The following NR2C2 variants were observed in gnomAD, a reference collection of about 807,000 sequenced individuals.
NR2C2 encodes the protein nuclear receptor subfamily 2 group C member 2.
Under a neutral mutation model 62.9 loss-of-function variants are expected in NR2C2, and 6 were observed. That is an observed-to-expected ratio of 0.10 (90% CI 0.05 to 0.19). The LOEUF (loss-of-function observed/expected upper bound fraction) is 0.19, where lower values mean the gene tolerates loss of function less well. Ranked by LOEUF, NR2C2 falls within the 10% of genes least tolerant of loss-of-function variation. The pLI is 1.00. For missense variants in NR2C2, 479 were observed against 762.7 expected (o/e 0.63, Z 4.38); for synonymous variants, 272 against 273.8 (o/e 0.99, Z 0.07).
At chr3:15,017,334 CAG>C (rs1247225385) in intron 4 of NR2C2, among the ~76,000 whole-genome samples, 1 of 152,194 alleles carries the variant, frequency 6.6e-6, no homozygotes, top group East Asian at 1.9e-4. Context: ...GGCAGATAGA[CAG>C]TGCTGCTTGT....
chr3:15,024,953 A>C (rs2041780733), intron 7 of NR2C2, among the ~76,000 whole-genome samples: 2 of 152,216 alleles, frequency 1.3e-5, no homozygotes, highest in African/African-American at 4.8e-5. Flanking sequence ...AGGGCATTAC[A>C]GGGCATCCTC....
intron 1 of NR2C2, among the ~76,000 whole-genome samples, chr3:15,000,196 T>C (rs1326827303): frequency 6.6e-6 from 1 of 152,196 alleles, no homozygotes; most frequent in Non-Finnish European, 1.5e-5. Flanking sequence ...CAGCCTCTGT[T>C]AACTACCATT....
chr3:14,989,063 T>C (rs2040591626), intron 1 of NR2C2, among the ~76,000 whole-genome samples: 1 of 152,180 alleles, frequency 6.6e-6, no homozygotes. Context: ...TCATATCAGT[T>C]GTTGAGGTAT....
intron 2 of NR2C2, among the ~76,000 whole-genome samples, chr3:15,010,146 G>A (rs2041308239): frequency 6.6e-6 from 1 of 152,128 alleles, no homozygotes; most frequent in Non-Finnish European, 1.5e-5. Flanking sequence ...AAATTTTAAT[G>A]AGCTTGGATA....
At chr3:15,013,923 C>T in intron 3 of NR2C2, 134 bp downstream of exon 3, 1 of 864,174 alleles carries the variant, frequency 1.2e-6, no homozygotes, top group Non-Finnish European at 1.8e-6. Context: ...TGGCAGGTTG[C>T]TGCTTTGGCC....
chr3:15,007,459 T>C (rs1395802567), intron 2 of NR2C2, among the ~76,000 whole-genome samples: 1 of 152,224 alleles, frequency 6.6e-6, no homozygotes, highest in Non-Finnish European at 1.5e-5. Context: ...TAAGTACTTT[T>C]GTTATTCAGG....
chr3:15,046,297 T>A lies in NR2C2; in HGVS notation c.*3289T>A, dbSNP rs936461341. 2 of 152,234 alleles carry A rather than the reference T, an allele frequency of 1.3e-5. No individual in the cohort carries two copies. Among genetic ancestry groups the A allele is most frequent in the African/African-American group, 2.4e-5 (1 of 41,468 alleles). 9.4% of individuals were successfully genotyped at this position (152,234 alleles called of 1,614,324 possible). ...GATTTTTAGCTTGTCATTGTCAGTATTGAATGTGGACTCTTCTGAGGCAGT... is the reference window on the plus strand; with the variant it reads ...GATTTTTAGCTTGTCATTGTCAGTAATGAATGTGGACTCTTCTGAGGCAGT... On this transcript the variant is annotated 3_prime_UTR_variant, in exon 14 of 14. Transcript: ENST00000425241.
chr3:14,996,175 C>T (rs1235815645), intron 1 of NR2C2, among the ~76,000 whole-genome samples: 2 of 152,132 alleles, frequency 1.3e-5, no homozygotes, highest in East Asian at 3.8e-4. Context: ...GTTGGTAAAA[C>T]CCATTTTATG....
Position 15,042,823 on chromosome 3 carries a change from C to T in NR2C2, c.1617-11C>T, listed in dbSNP as rs748271349. The T allele has an allele frequency of 3.1e-6, 5 of 1,612,076 alleles. No individual in the cohort carries two copies. Among genetic ancestry groups the T allele is most frequent in the Non-Finnish European group, 1.7e-6 (2 of 1,178,928 alleles). ...AACAGTCTCCTTTTCTAATGACACTCCCTTTTATAGATTGGCCCGGATCCT... is the reference window on the plus strand; with the variant it reads ...AACAGTCTCCTTTTCTAATGACACTTCCTTTTATAGATTGGCCCGGATCCT... On this transcript the variant is annotated splice_polypyrimidine_tract_variant and intron_variant, in intron 13 of 13. Coordinates refer to ENST00000425241, the MANE Select transcript of NR2C2 (RefSeq NM_001291694.2).
chr3:15,042,966 G>C lies in NR2C2; in HGVS notation c.1749G>C (p.Glu583Asp), dbSNP rs2042321875. ...TAATCCCCTACATCCTCAAGATGGAGACAGCAGAGTATAATGGCCAGATCA... is the reference window on the plus strand; with the variant it reads ...TAATCCCCTACATCCTCAAGATGGACACAGCAGAGTATAATGGCCAGATCA... ...DSIIPYILKM[E>D]TAEYNGQITG... The change falls in exon 14 of 14, where the codon GAG (glutamate) becomes GAC (aspartate). Residue 583 changes from glutamate (E) to aspartate (D), a missense_variant. Glu to Asp is a conservative substitution (Grantham distance 45). This residue lies in a region of NR2C2 where 162 missense variants were observed against 296.8 expected (regional missense o/e 0.55). Transcript: ENST00000425241. The C allele has an allele frequency of 6.2e-7, 1 of 1,614,222 alleles. No individual in the cohort carries two copies. Among genetic ancestry groups the C allele is most frequent in the South Asian group, 1.1e-5 (1 of 91,078 alleles).
At chr3:14,979,327 A>G (rs969813888) in intron 1 of NR2C2, among the ~76,000 whole-genome samples, 3 of 152,232 alleles carry the variant, frequency 2.0e-5, no homozygotes, top group African/African-American at 7.2e-5. Flanking sequence ...AAGGTATTCC[A>G]GAAATATTTC....
intron 4 of NR2C2, among the ~76,000 whole-genome samples, 171 bp from the exon 5 acceptor site, chr3:15,020,582 G>A (rs930630027): frequency 6.6e-5 from 10 of 152,182 alleles, no homozygotes; most frequent in African/African-American, 1.4e-4. Flanking sequence ...GAGAAATTAC[G>A]TGAAGGGTGT....
At chr3:14,995,139 C>G (rs2040794254) in intron 1 of NR2C2, among the ~76,000 whole-genome samples, 2 of 151,366 alleles carry the variant, frequency 1.3e-5, no homozygotes, top group East Asian at 2.0e-4. Flanking sequence ...GCTGAGACCA[C>G]AGACACACGC....
chr3:14,968,246 A>G (rs906294420), intron 1 of NR2C2, among the ~76,000 whole-genome samples: 4 of 152,226 alleles, frequency 2.6e-5, no homozygotes, highest in African/African-American at 9.6e-5. Context: ...TCATCTGACA[A>G]AGGGCTAATA....
chr3:14,965,523 A>C (rs1252842870), intron 1 of NR2C2, among the ~76,000 whole-genome samples: 1 of 43,032 alleles, frequency 2.3e-5, no homozygotes, highest in Admixed American at 2.5e-4. Flanking sequence ...TTCCCATGGC[A>C]AAAAAAAAAA....
intron 1 of NR2C2, among the ~76,000 whole-genome samples, chr3:14,966,221 C>T (rs1479146619): frequency 6.6e-6 from 1 of 152,162 alleles, no homozygotes. Flanking sequence ...TACCAGTTTC[C>T]TTCCCATAGG....
chr3:15,023,069 G>A, intron 5 of NR2C2, 131 bp from the exon 6 acceptor site: 1 of 1,009,338 alleles, frequency 9.9e-7, no homozygotes, highest in Non-Finnish European at 1.4e-6. Flanking sequence ...AAAGTCCACT[G>A]TGAAAGCTGA....
At position 15,013,656 on chromosome 3, in the gene NR2C2, C is replaced by T; in HGVS notation, c.140C>T (p.Pro47Leu). 1 of 1,614,192 alleles carries T rather than the reference C, an allele frequency of 6.2e-7. No homozygotes were observed. Among genetic ancestry groups the T allele is most frequent in the Non-Finnish European group, 8.5e-7 (1 of 1,180,036 alleles). ...ACCGCAGTGGACGCCTCCGGATCCC[C>T]CAAACAGCAGTTCATCCTGACCAGC... The part of the protein sequence containing the change: ...IVTAVDASGS[P>L]KQQFILTSPD... Residue 47 changes from proline (P) to leucine (L), a missense_variant, in exon 3 of 14, where the codon CCC becomes CTC. Pro to Leu is a moderately conservative substitution (Grantham distance 98). Around this residue, in one of 4 missense-constraint regions of NR2C2, gnomAD observed 115 missense variants for 152.3 expected, o/e 0.76. Coordinates refer to ENST00000425241, the MANE Select transcript of NR2C2 (RefSeq NM_001291694.2).
Position 14,947,736 on chromosome 3 carries a change from C to T in NR2C2, c.-210C>T, listed in dbSNP as rs373107215. ...GGGCCCGTCCCCGCCACCCCGCTCC[C>T]ACCTCGGCGTCTCGTCTCTCGCCCG... On this transcript the variant is annotated 5_prime_UTR_variant, in exon 1 of 14. Transcript: ENST00000425241. 3 of 149,596 alleles carry T rather than the reference C, an allele frequency of 2.0e-5. No homozygotes were observed. Among genetic ancestry groups the T allele is most frequent in the East Asian group, 4.0e-4 (2 of 5,026 alleles). The allele number at this position is 149,596 out of a possible 1,614,324, so 9.3% of individuals were successfully genotyped here.
Sources: allele counts gnomAD v4.1 joint callset (sites outside exome capture counted in the v4.1 genomes callset), GRCh38; gene constraint gnomAD v4.1.1; regional missense constraint gnomAD v4.1.1; transcripts MANE v1.5; gene names NCBI Gene and HGNC (gene_info 2026-07-23, HGNC 2026-07-21).